LRRTM4: variants seen among roughly 807,000 people sequenced by gnomAD.
The protein encoded by LRRTM4 is leucine-rich repeat transmembrane neuronal protein 4.
Under a neutral mutation model 47.6 loss-of-function variants are expected in LRRTM4, and 25 were observed. That is an observed-to-expected ratio of 0.53 (90% CI 0.38 to 0.73). LRRTM4 has a LOEUF of 0.73. Ranked by LOEUF, LRRTM4 falls within the 30% of genes least tolerant of loss-of-function variation. The pLI, the probability that LRRTM4 is intolerant of heterozygous loss-of-function variation, is 0.00. For synonymous variants in LRRTM4, 311 were observed against 269.5 expected (o/e 1.15, Z -1.51); for missense variants, 638 against 713.4 (o/e 0.89, Z 1.20).
intron 3 of LRRTM4, among the ~76,000 whole-genome samples, chr2:76,881,273 G>A (rs1412579057): frequency 6.6e-6 from 1 of 152,094 alleles, no homozygotes; most frequent in Non-Finnish European, 1.5e-5. Flanking sequence ...TAGCAATCAA[G>A]TTTGAGGGCA....
chr2:77,040,973 C>T (rs1275107945), intron 3 of LRRTM4, among the ~76,000 whole-genome samples: 1 of 150,892 alleles, frequency 6.6e-6, no homozygotes, highest in Non-Finnish European at 1.5e-5. Context: ...TTGAAATACA[C>T]ATTATTATAA....
At chr2:77,024,195 G>A (rs1678370583) in intron 3 of LRRTM4, among the ~76,000 whole-genome samples, 1 of 152,094 alleles carries the variant, frequency 6.6e-6, no homozygotes, top group South Asian at 2.1e-4. Context: ...CACAACACAT[G>A]GTAATTACGG....
chr2:77,154,180 A>T (rs1008105061), intron 3 of LRRTM4, among the ~76,000 whole-genome samples: 1 of 152,182 alleles, frequency 6.6e-6, no homozygotes, highest in African/African-American at 2.4e-5. Context: ...TGGTGAATCC[A>T]TTTAGCTTCT....
intron 3 of LRRTM4, among the ~76,000 whole-genome samples, chr2:77,137,184 A>T (rs965627259): frequency 1.3e-5 from 2 of 151,862 alleles, no homozygotes; most frequent in African/African-American, 4.9e-5. Context: ...TCAATTCACC[A>T]AAGATGAAAT....
intron 3 of LRRTM4, among the ~76,000 whole-genome samples, chr2:77,040,000 G>A (rs891666150): frequency 6.6e-6 from 1 of 150,842 alleles, no homozygotes; most frequent in Non-Finnish European, 1.5e-5. Flanking sequence ...AAAGTATGAG[G>A]ATGTATTTGT....
At chr2:77,126,640 T>C (rs748064783) in intron 3 of LRRTM4, among the ~76,000 whole-genome samples, 1 of 152,182 alleles carries the variant, frequency 6.6e-6, no homozygotes, top group Non-Finnish European at 1.5e-5. Context: ...AAGTGAAATA[T>C]GCGTTGTAAA....
intron 3 of LRRTM4, among the ~76,000 whole-genome samples, chr2:76,788,383 CAAGGCA>C (rs927873707): frequency 6.6e-5 from 10 of 152,142 alleles, no homozygotes; most frequent in Admixed American, 2.6e-4. Context: ...TGAGCAGAAT[CAAGGCA>C]AAGGCAGAGA....
intron 3 of LRRTM4, among the ~76,000 whole-genome samples, chr2:77,474,598 T>A: frequency 6.6e-6 from 1 of 152,152 alleles, no homozygotes; most frequent in East Asian, 1.9e-4. Context: ...ATAAGTGTTA[T>A]AGGAACTCTG....
intron 3 of LRRTM4, among the ~76,000 whole-genome samples, chr2:76,816,819 G>GTTGTTTT (rs1670910659): frequency 1.0e-5 from 1 of 96,524 alleles, no homozygotes; most frequent in African/African-American, 3.2e-5. Context: ...GAGGTAAAGA[G>GTTGTTTT]TTTTTTTTTT....
intron 3 of LRRTM4, among the ~76,000 whole-genome samples, chr2:76,950,168 A>T (rs763080093): frequency 7.2e-5 from 11 of 152,056 alleles, no homozygotes; most frequent in Middle Eastern, 3.4e-3. Context: ...TTTCACTGGG[A>T]ACTCAGTAAT....
At chr2:77,056,743 AAAG>A (rs1450681185) in intron 3 of LRRTM4, among the ~76,000 whole-genome samples, 1 of 152,182 alleles carries the variant, frequency 6.6e-6, no homozygotes, top group African/African-American at 2.4e-5. Context: ...TGTGGAGAAA[AAAG>A]AAATTCAAAG....
chr2:76,891,171 C>A (rs1291785602), intron 3 of LRRTM4, among the ~76,000 whole-genome samples: 1 of 151,794 alleles, frequency 6.6e-6, no homozygotes, highest in African/African-American at 2.4e-5. Context: ...CACATCAAAC[C>A]CTTCCCAACA....
At chr2:77,383,964 A>G (rs1673160119) in intron 3 of LRRTM4, among the ~76,000 whole-genome samples, 1 of 152,156 alleles carries the variant, frequency 6.6e-6, no homozygotes, top group Non-Finnish European at 1.5e-5. Context: ...TCAGAGCTTA[A>G]TTTAATACAG....
At chr2:76,892,631 T>C (rs1031831756) in intron 3 of LRRTM4, among the ~76,000 whole-genome samples, 3 of 151,706 alleles carry the variant, frequency 2.0e-5, no homozygotes, top group African/African-American at 4.8e-5. Flanking sequence ...TGAATGTTAA[T>C]AGGTTTAATT....
At chr2:77,300,000 C>T (rs538875396) in intron 3 of LRRTM4, among the ~76,000 whole-genome samples, 2 of 151,886 alleles carry the variant, frequency 1.3e-5, no homozygotes, top group African/African-American at 4.8e-5. Flanking sequence ...TACAGGCATG[C>T]GCCACCACGC....
chr2:77,020,980 T>C (rs1173127000), intron 3 of LRRTM4, among the ~76,000 whole-genome samples: 3 of 152,162 alleles, frequency 2.0e-5, no homozygotes, highest in Admixed American at 2.0e-4. Flanking sequence ...TTATCCTGTA[T>C]GTGTCTCACC....
At chr2:76,789,492 T>A (rs1674853857) in intron 3 of LRRTM4, among the ~76,000 whole-genome samples, 1 of 152,194 alleles carries the variant, frequency 6.6e-6, no homozygotes, top group Non-Finnish European at 1.5e-5. Context: ...GATAAATACA[T>A]GAATTAAGAG....
intron 3 of LRRTM4, among the ~76,000 whole-genome samples, chr2:77,288,852 G>GTGGATA (rs1676736747): frequency 6.6e-6 from 1 of 152,008 alleles, no homozygotes; most frequent in Non-Finnish European, 1.5e-5. Context: ...CAGTATCTCA[G>GTGGATA]CAGAAGCCAA....
At chr2:76,887,588 GATATA>G (rs1354329294) in intron 3 of LRRTM4, among the ~76,000 whole-genome samples, 20 of 145,972 alleles carry the variant, frequency 1.4e-4, no homozygotes, top group South Asian at 2.2e-4. Flanking sequence ...TATACAAACA[GATATA>G]ATATATACAC....
Sources: allele counts gnomAD v4.1 joint callset (sites outside exome capture counted in the v4.1 genomes callset), GRCh38; gene constraint gnomAD v4.1.1; transcripts MANE v1.5; gene names NCBI Gene and HGNC (gene_info 2026-07-23, HGNC 2026-07-21).